Variants in SLC35F1 observed in about 807,000 individuals in gnomAD.
SLC35F1 encodes the protein chromosome 6 open reading frame 169.
In SLC35F1, 14 loss-of-function variants were observed where a neutral mutation model predicts 48.7. That is an observed-to-expected ratio of 0.29 (90% CI 0.19 to 0.45). The LOEUF (loss-of-function observed/expected upper bound fraction) is 0.45. SLC35F1 is among the 20% of genes least tolerant of loss of function. SLC35F1 has a pLI of 1.00. For synonymous variants in SLC35F1, 190 were observed against 202.2 expected (o/e 0.94, Z 0.51); for missense variants, 404 against 500.0 (o/e 0.81, Z 1.83).
intron 1 of SLC35F1, among the ~76,000 whole-genome samples, chr6:118,143,849 G>T (rs1228184168): frequency 6.6e-6 from 1 of 152,136 alleles, no homozygotes; most frequent in Admixed American, 6.5e-5. Context: ...TTTTATAGAT[G>T]AGGAAAATGA....
At chr6:118,215,253 A>T (rs1775056797) in intron 2 of SLC35F1, among the ~76,000 whole-genome samples, 1 of 152,214 alleles carries the variant, frequency 6.6e-6, no homozygotes, top group South Asian at 2.1e-4. Flanking sequence ...GTATTGAGGT[A>T]GATGAAACAG....
intron 1 of SLC35F1, among the ~76,000 whole-genome samples, chr6:117,922,762 G>A (rs1775915814): frequency 6.6e-6 from 1 of 152,156 alleles, no homozygotes; most frequent in East Asian, 1.9e-4. Flanking sequence ...CATTATGTGG[G>A]ATAATTAATA....
At chr6:118,279,601 T>A (rs1367637993) in intron 6 of SLC35F1, among the ~76,000 whole-genome samples, 1 of 152,232 alleles carries the variant, frequency 6.6e-6, no homozygotes, top group Non-Finnish European at 1.5e-5. Flanking sequence ...ACTTTAAGCT[T>A]GACATTGCAC....
intron 6 of SLC35F1, among the ~76,000 whole-genome samples, chr6:118,284,350 A>AT (rs35154293): frequency 0.54 from 81,123 of 150,770 alleles, 22,147 homozygotes; most frequent in African/African-American, 0.62. Context: ...AAAGAGCATT[A>AT]TTTTTTTTTT....
chr6:117,931,692 T>C (rs761567204), intron 1 of SLC35F1, among the ~76,000 whole-genome samples: 44 of 152,340 alleles, frequency 2.9e-4, no homozygotes, highest in Non-Finnish European at 5.7e-4. Context: ...AAGGCTTCTC[T>C]GGAATCCACT....
In SLC35F1 at chr6:117,907,618, C is replaced by G; in HGVS notation, c.-109C>G. The G allele has an allele frequency of 1.7e-6, 1 of 584,560 alleles. No individual in the cohort carries two copies. Among genetic ancestry groups the G allele is most frequent in the East Asian group, 3.6e-5 (1 of 27,494 alleles). The allele number at this position is 584,560 out of a possible 1,614,324, so 36.2% of individuals were successfully genotyped here. A position where few individuals can be genotyped will look rare whatever the true frequency, so the allele number is the denominator to read the frequency against. Reference sequence around the variant, plus strand: ...ACCGCTTCGCAGGCAGCACCGCCTCCCGGGCCGCGGCCGCCCGGCCGGGTC... The same window carrying G: ...ACCGCTTCGCAGGCAGCACCGCCTCGCGGGCCGCGGCCGCCCGGCCGGGTC... On this transcript the variant is annotated 5_prime_UTR_variant, in exon 1 of 8. Coordinates refer to ENST00000360388, the MANE Select transcript of SLC35F1 (RefSeq NM_001029858.4).
intron 1 of SLC35F1, among the ~76,000 whole-genome samples, chr6:117,976,602 A>G (rs1582595851): frequency 2.0e-5 from 3 of 152,182 alleles, no homozygotes; most frequent in African/African-American, 7.2e-5. Context: ...CAAGGTATTT[A>G]TTTATTGCCT....
chr6:118,181,851 A>G (rs10484293), intron 2 of SLC35F1, among the ~76,000 whole-genome samples: 7,666 of 152,172 alleles, frequency 0.05, 647 homozygotes, highest in African/African-American at 0.17. Context: ...CTCACTACCT[A>G]TTGATTAAAT....
chr6:118,090,286 A>T (rs1044751668), intron 1 of SLC35F1, among the ~76,000 whole-genome samples: 8 of 152,176 alleles, frequency 5.3e-5, no homozygotes, highest in Non-Finnish European at 1.2e-4. Flanking sequence ...TGGGTTTTGA[A>T]TGCCTACCAT....
intron 3 of SLC35F1, among the ~76,000 whole-genome samples, chr6:118,249,704 C>T (rs1262962935): frequency 6.6e-6 from 1 of 152,168 alleles, no homozygotes; most frequent in African/African-American, 2.4e-5. Context: ...TGCATAGAAA[C>T]ACCAGCATCT....
intron 1 of SLC35F1, among the ~76,000 whole-genome samples, chr6:118,095,413 A>ATG (rs1773139007): frequency 6.6e-6 from 1 of 152,200 alleles, no homozygotes; most frequent in Non-Finnish European, 1.5e-5. Flanking sequence ...TACAGTCCAG[A>ATG]TGATATTTCC....
intron 2 of SLC35F1, among the ~76,000 whole-genome samples, chr6:118,229,707 TAGC>T (rs1476447032): frequency 6.6e-6 from 1 of 152,220 alleles, no homozygotes; most frequent in African/African-American, 2.4e-5. Flanking sequence ...GAGTTAGTAG[TAGC>T]ATCTAATATA....
In SLC35F1 at chr6:118,314,167, C is replaced by T. The variant is rs140419570; in HGVS notation, c.1142C>T (p.Pro381Leu). 10 of 1,614,120 alleles carry T rather than the reference C, an allele frequency of 6.2e-6. No individual in the cohort carries two copies. Among genetic ancestry groups the T allele is most frequent in the Admixed American group, 1.7e-5 (1 of 60,022 alleles). The stretch of plus-strand genomic sequence containing the variant: ...CCTTCAGGACCTGTTGTGGACTTAC[C>T]GACCACAGCTCAGGTGGAACCCTCA... ...RNPSGPVVDL[P>L]TTAQVEPSVT... is the part of the protein sequence containing the mutation. The change falls in exon 8 of 8, where the codon CCG becomes CTG. Residue 381 changes from proline (P) to leucine (L), a missense_variant. Physicochemically the swap from Pro to Leu is moderately conservative, Grantham distance 98. This residue lies in a region of SLC35F1 where 306 missense variants were observed against 419.1 expected (regional missense o/e 0.73). Coordinates refer to ENST00000360388, the MANE Select transcript of SLC35F1 (RefSeq NM_001029858.4).
rs866824567 is a variant in SLC35F1, at chr6:117,907,612, C to G, written c.-115C>G. 1.9e-6 allele frequency: 1 copy of G among 536,558 alleles called. No individual in the cohort carries two copies. The highest frequency in any genetic ancestry group is 3.7e-5 in the East Asian group (1 of 27,016). 33.2% of individuals were successfully genotyped at this position (536,558 alleles called of 1,614,324 possible). A position where few individuals can be genotyped will look rare whatever the true frequency, so the allele number is the denominator to read the frequency against. On this transcript the variant is annotated 5_prime_UTR_variant, in exon 1 of 8. Transcript: ENST00000360388. Reference sequence around the variant, plus strand: ...CGCCTCACCGCTTCGCAGGCAGCACCGCCTCCCGGGCCGCGGCCGCCCGGC... The same window carrying G: ...CGCCTCACCGCTTCGCAGGCAGCACGGCCTCCCGGGCCGCGGCCGCCCGGC...
At chr6:118,234,453 G>A (rs1311886671) in intron 2 of SLC35F1, among the ~76,000 whole-genome samples, 1 of 152,070 alleles carries the variant, frequency 6.6e-6, no homozygotes, top group Admixed American at 6.6e-5. Flanking sequence ...AGGGACCAAT[G>A]CCCACCCACA....
At chr6:118,058,068 G>A (rs1040748353) in intron 1 of SLC35F1, among the ~76,000 whole-genome samples, 1 of 152,124 alleles carries the variant, frequency 6.6e-6, no homozygotes, top group Non-Finnish European at 1.5e-5. Flanking sequence ...CCCCTGGGGT[G>A]AAGGAAGAAA....
chr6:118,269,184 C>T (rs1209014036), intron 4 of SLC35F1, among the ~76,000 whole-genome samples: 2 of 152,114 alleles, frequency 1.3e-5, no homozygotes, highest in African/African-American at 4.8e-5. Context: ...AGAAGCAAAA[C>T]TGCTTAAGAA....
chr6:118,021,756 T>A (rs1317938688), intron 1 of SLC35F1, among the ~76,000 whole-genome samples: 1 of 152,174 alleles, frequency 6.6e-6, no homozygotes, highest in Non-Finnish European at 1.5e-5. Context: ...GTCAGCAATT[T>A]GGCTGGAATT....
At chr6:117,952,377 T>C (rs945363673) in intron 1 of SLC35F1, among the ~76,000 whole-genome samples, 2 of 152,236 alleles carry the variant, frequency 1.3e-5, no homozygotes, top group African/African-American at 4.8e-5. Context: ...ATATCTGTTG[T>C]CCCCTTTTCC....
Sources: gnomAD v4.1 joint callset for allele counts (sites outside exome capture counted in the v4.1 genomes callset) on GRCh38, gnomAD v4.1.1 for gene constraint, gnomAD v4.1.1 regional missense constraint, MANE v1.5 for transcripts, NCBI Gene and HGNC (gene_info 2026-07-23, HGNC 2026-07-21) for gene names.